Variants in SASH1 observed in about 807,000 individuals in gnomAD.
SASH1 encodes the protein SAM and SH3 domain-containing protein 1.
A neutral mutation model predicts 125.2 loss-of-function variants in SASH1; 44 were observed. That is an observed-to-expected ratio of 0.35 (90% CI 0.28 to 0.45). The LOEUF (loss-of-function observed/expected upper bound fraction) is 0.45. Among genes scored for constraint, SASH1 ranks in the 20% least tolerant of loss-of-function variants. The pLI is 1.00. For missense variants in SASH1, 1,426 were observed against 1,614.5 expected, an observed-to-expected ratio of 0.88 and a Z score of 2.00; for synonymous variants, 639 against 649.1, an observed-to-expected ratio of 0.98 and a Z score of 0.24.
chr6:148,306,949 C>T (rs905550466), intron 1 of SASH1, among the ~76,000 whole-genome samples: 5 of 152,158 alleles, frequency 3.3e-5, no homozygotes, highest in Admixed American at 1.3e-4. Context: ...GGTGACAGTT[C>T]CTCTTAGTCA....
At chr6:148,473,183 A>G (rs1562440743) in intron 6 of SASH1, among the ~76,000 whole-genome samples, 1 of 152,230 alleles carries the variant, frequency 6.6e-6, no homozygotes, top group African/African-American at 2.4e-5. Context: ...ATACAGACCT[A>G]TATGGCACCC....
chr6:148,287,171 T>C (rs1162239307), intron 1 of SASH1, among the ~76,000 whole-genome samples: 1 of 152,090 alleles, frequency 6.6e-6, no homozygotes, highest in Non-Finnish European at 1.5e-5. Flanking sequence ...CCCAGGACAA[T>C]ACCCCAAGAA....
Position 148,534,015 on chromosome 6 carries a change from C to A in SASH1, c.1944+35C>A, listed in dbSNP as rs745565010. The A allele has an allele frequency of 8.2e-6, 13 of 1,590,160 alleles. No individual in the cohort carries two copies. The African/African-American group carries it at 1.6e-4, about 20-fold the overall frequency. On this transcript the variant is annotated intron_variant, in intron 15 of 19. Transcript: ENST00000367467. Reference sequence around the variant, plus strand: ...TTCTGATTCTTGTCACACGCTACTACCTCACTGCCTTTTTCTCTCCTACAC... The same window carrying A: ...TTCTGATTCTTGTCACACGCTACTAACTCACTGCCTTTTTCTCTCCTACAC...
the SASH1 span, among the ~76,000 whole-genome samples, chr6:148,238,965 A>G: frequency 2.4e-4 from 36 of 152,276 alleles, no homozygotes; most frequent in South Asian, 1.0e-3. Context: ...GGGCAGAGGT[A>G]TGGTCGGATA....
intron 4 of SASH1, among the ~76,000 whole-genome samples, chr6:148,448,779 A>G (rs934152266): frequency 1.3e-5 from 2 of 152,138 alleles, no homozygotes; most frequent in South Asian, 2.1e-4. Flanking sequence ...ATGCCTGCTC[A>G]CTAATATCTC....
At position 148,481,736 on chromosome 6, in the gene SASH1, A is replaced by T. The variant is rs574470017; in HGVS notation, c.628-5878A>T. Reference sequence around the variant, plus strand: ...GTTTAGGTTCATGGCTCCCCAAAACAATTACAATATTAACATCCAAGGTCA... The same window carrying T: ...GTTTAGGTTCATGGCTCCCCAAAACTATTACAATATTAACATCCAAGGTCA... On this transcript the variant is annotated intron_variant, in intron 7 of 19. Transcript: ENST00000367467. Among the ~76,000 whole-genome samples, 235 of 152,280 alleles carry T rather than the reference A, an allele frequency of 1.5e-3. 2 individuals are homozygous for T. Among genetic ancestry groups the T allele is most frequent in the African/African-American group, 5.3e-3 (222 of 41,544 alleles).
intron 1 of SASH1, among the ~76,000 whole-genome samples, chr6:148,312,296 C>A (rs1298147374): frequency 6.6e-6 from 1 of 152,070 alleles, no homozygotes; most frequent in East Asian, 1.9e-4. Context: ...CCTCCATAAG[C>A]CTGATCAGGA....
At chr6:148,383,337 A>T (rs185709267) in intron 1 of SASH1, among the ~76,000 whole-genome samples, 1 of 152,156 alleles carries the variant, frequency 6.6e-6, no homozygotes, top group African/African-American at 2.4e-5. Flanking sequence ...CTTAGAGGGG[A>T]TGTATATATC....
At chr6:148,289,972 ATACT>A (rs1238379547) in intron 1 of SASH1, among the ~76,000 whole-genome samples, 1 of 150,124 alleles carries the variant, frequency 6.7e-6, no homozygotes, top group Admixed American at 6.7e-5. Context: ...GGTTCAAGCA[ATACT>A]CCTGCCTCAG....
At chr6:148,335,586 G>A (rs974612489) in intron 1 of SASH1, among the ~76,000 whole-genome samples, 3 of 151,812 alleles carry the variant, frequency 2.0e-5, no homozygotes, top group Non-Finnish European at 4.4e-5. Context: ...GGATATATCC[G>A]AAAACTGAAG....
At chr6:148,214,078 T>A in the SASH1 span, among the ~76,000 whole-genome samples, 1 of 152,156 alleles carries the variant, frequency 6.6e-6, no homozygotes, top group African/African-American at 2.4e-5. Flanking sequence ...AATGGCAGAT[T>A]GGGGTTTTTA....
At chr6:148,502,818 A>T (rs1368269144) in intron 8 of SASH1, among the ~76,000 whole-genome samples, 1 of 152,226 alleles carries the variant, frequency 6.6e-6, no homozygotes, top group African/African-American at 2.4e-5. Flanking sequence ...GGGACATGGA[A>T]ATATCCCTAA....
chr6:148,354,229 A>C (rs982928835), intron 1 of SASH1, among the ~76,000 whole-genome samples: 3 of 152,242 alleles, frequency 2.0e-5, no homozygotes, highest in African/African-American at 7.2e-5. Flanking sequence ...GCTTTTGAAT[A>C]GCCAAGATTT....
the SASH1 span, among the ~76,000 whole-genome samples, chr6:148,242,236 A>G: frequency 6.6e-6 from 1 of 152,250 alleles, no homozygotes; most frequent in South Asian, 2.1e-4. Context: ...AAGCTAAAAT[A>G]AAGTCATTGT....
upstream of SASH1, among the ~76,000 whole-genome samples, chr6:148,339,181 T>TA (rs1413206447): frequency 2.6e-5 from 4 of 152,096 alleles, no homozygotes; most frequent in African/African-American, 9.7e-5. Flanking sequence ...TAGCTGGGAC[T>TA]ACAGGCCACA....
chr6:148,245,957 T>C, the SASH1 span, among the ~76,000 whole-genome samples: 4 of 149,508 alleles, frequency 2.7e-5, no homozygotes, highest in East Asian at 5.9e-4. Flanking sequence ...TACTCCAGCC[T>C]GGGCGACAGA....
At position 148,532,798 on chromosome 6, in the gene SASH1, C is replaced by T. The variant is rs768928224; in HGVS notation, c.1566C>T (p.Ser522=). Residue 522 remains serine (S), a splice_region_variant and synonymous_variant, in exon 14 of 20, where the codon AGC becomes AGT. Transcript: ENST00000367467. This position sits in a 1 kb window ranked among gnomAD's most constrained non-coding sequence, Gnocchi z 4.7. ...GTTCTTCCTATGTTTCCTGTACAGG[C>T]GGTCAAACAGTGAGCACCACTGATT... The part of the protein sequence containing the change: ...RSSLSGQSSM[S]GQTVSTTDSS... 26 of 1,613,966 alleles carry T rather than the reference C, an allele frequency of 1.6e-5. No homozygotes were observed. In the Admixed American group the frequency reaches 2.0e-4, roughly 12 times the overall value.
At position 148,390,374 on chromosome 6, in the gene SASH1, G is replaced by A. The variant is rs576920626; in HGVS notation, c.285+112G>A. 4.7e-6 allele frequency: 5 copies of A among 1,056,704 alleles called. No homozygotes were observed. In the East Asian group the frequency reaches 1.4e-4, roughly 29 times the overall value. 65.5% of individuals were successfully genotyped at this position (1,056,704 alleles called of 1,614,324 possible). A position where few individuals can be genotyped will look rare whatever the true frequency, so the allele number is the denominator to read the frequency against. Reference sequence around the variant, plus strand: ...TTCCTGGGGTATCAATCTGTAGGCTGCTGCACTAGTGTGGGGTAGAATGTT... The same window carrying A: ...TTCCTGGGGTATCAATCTGTAGGCTACTGCACTAGTGTGGGGTAGAATGTT... On this transcript the variant is annotated intron_variant, in intron 2 of 19. Coordinates refer to ENST00000367467, the MANE Select transcript of SASH1 (RefSeq NM_015278.5).
At chr6:148,504,044 G>A (rs983160561) in intron 8 of SASH1, among the ~76,000 whole-genome samples, 10 of 152,162 alleles carry the variant, frequency 6.6e-5, no homozygotes, top group African/African-American at 2.2e-4. Flanking sequence ...GTTAGTGATG[G>A]GCTAGGGAAT....
Sources: allele counts gnomAD v4.1 joint callset (sites outside exome capture counted in the v4.1 genomes callset), GRCh38; gene constraint gnomAD v4.1.1; non-coding constraint Gnocchi (gnomAD v3.1); transcripts MANE v1.5; gene names NCBI Gene and HGNC (gene_info 2026-07-23, HGNC 2026-07-21).